The following CTNS variants were observed in gnomAD, a reference collection of about 807,000 sequenced individuals.
CTNS encodes the protein cystinosin.
A neutral mutation model predicts 43.7 loss-of-function variants in CTNS; 27 were observed. The ratio of observed to expected loss-of-function variants is 0.62; its 90% CI spans 0.46 to 0.85. CTNS has a LOEUF of 0.85. CTNS is among the 40% of genes least tolerant of loss of function. The pLI, the probability that CTNS is intolerant of heterozygous loss-of-function variation, is 0.00. For synonymous variants in CTNS, 187 were observed against 190.6 expected, an observed-to-expected ratio of 0.98 and a Z score of 0.16; for missense variants, 457 against 475.4, an observed-to-expected ratio of 0.96 and a Z score of 0.36.
rs1334466190 is a variant in CTNS at position 3,658,054 on chromosome 17, C to T, written c.731C>T (p.Ala244Val). 19 of 1,611,840 alleles carry T rather than the reference C, an allele frequency of 1.2e-5. No individual in the cohort carries two copies. Among genetic ancestry groups the T allele is most frequent in the Admixed American group, 3.3e-5 (2 of 60,014 alleles). The change falls in exon 10 of 12, where the codon GCG becomes GTG. Residue 244 changes from alanine to valine, a missense_variant. Coordinates refer to ENST00000046640, the MANE Select transcript of CTNS (RefSeq NM_004937.3). ...CCTGCCATCGGCTTCCTGGTGCTCG[C>T]GTGGCTCTTCGCATTTGTCACCATG... ...SWPAIGFLVL[A>V]WLFAFVTMIV...
intron 3 of CTNS, among the ~76,000 whole-genome samples, chr17:3,642,438 A>G (rs2075743658): frequency 6.6e-6 from 1 of 152,204 alleles, no homozygotes; most frequent in Non-Finnish European, 1.5e-5. Context: ...CTGTAATCCC[A>G]GCACTTTGGG....
At chr17:3,660,013 G>A in intron 11 of CTNS, 38 bp downstream of exon 11, 6 of 1,564,106 alleles carry the variant, frequency 3.8e-6, no homozygotes, top group Middle Eastern at 2.0e-4. Context: ...CCCTGCGGCT[G>A]GGGCATCGGG....
In CTNS at chr17:3,655,104, A is replaced by T; in HGVS notation, c.329+3A>T. 1 of 1,613,890 alleles carries T rather than the reference A, an allele frequency of 6.2e-7. No individual in the cohort carries two copies. The highest frequency in any genetic ancestry group is 8.5e-7 in the Non-Finnish European group (1 of 1,179,732). On this transcript the variant is annotated splice_donor_region_variant and intron_variant, in intron 6 of 11. Transcript: ENST00000046640. ...GGAAATCACTCCAATCAGACCGGGT[A>T]GGCTGGCCTCAGGGTGTGCGGGCCT...
chr17:3,658,041 T>G lies in CTNS; in HGVS notation c.718T>G (p.Phe240Val). Reference sequence around the variant, plus strand: ...GCGCGTGTCCTGGCCTGCCATCGGCTTCCTGGTGCTCGCGTGGCTCTTCGC... The same window carrying G: ...GCGCGTGTCCTGGCCTGCCATCGGCGTCCTGGTGCTCGCGTGGCTCTTCGC... ...GQRVSWPAIG[F>V]LVLAWLFAFV... is the part of the protein sequence containing the mutation. Residue 240 changes from phenylalanine to valine, a missense_variant, in exon 10 of 12, where the codon TTC becomes GTC. Transcript: ENST00000046640. 1.9e-6 allele frequency: 3 copies of G among 1,611,688 alleles called. No homozygotes were observed. Among genetic ancestry groups the G allele is most frequent in the Non-Finnish European group, 2.5e-6 (3 of 1,179,968 alleles).
rs1178241325 is a variant in CTNS at position 3,641,380 on chromosome 17, A to AT, written c.61+1114dup. 4.6e-3 allele frequency among the ~76,000 whole-genome samples: 175 copies of AT among 38,194 alleles called. 1 individual carries two copies. Among genetic ancestry groups the AT allele is most frequent in the South Asian group, 7.7e-3 (7 of 910 alleles). 25.1% of individuals were successfully genotyped at this position (38,194 alleles called of 152,430 possible). ...GATACATATATATATATATATATATATATATTTTTTTTTTTTTTTTTTTTT... is the reference window on the plus strand; with the variant it reads ...GATACATATATATATATATATATATATTATATTTTTTTTTTTTTTTTTTTTT... On this transcript the variant is annotated intron_variant, in intron 3 of 11. Coordinates refer to ENST00000046640, the MANE Select transcript of CTNS (RefSeq NM_004937.3).
chr17:3,645,280 G>T (rs1240749773), intron 3 of CTNS, among the ~76,000 whole-genome samples: 1 of 152,228 alleles, frequency 6.6e-6, no homozygotes, highest in Admixed American at 6.5e-5. Context: ...CTCTGCAAGG[G>T]CCAGGGGACA....
At chr17:3,658,449 C>G (rs2076208491) in intron 10 of CTNS, among the ~76,000 whole-genome samples, 1 of 152,226 alleles carries the variant, frequency 6.6e-6, no homozygotes, top group South Asian at 2.1e-4. Context: ...TCTCCACACC[C>G]CAGCCTTTCC....
rs2076261875 is a variant in CTNS, at chr17:3,660,638, C to T, written c.*269C>T. On this transcript the variant is annotated 3_prime_UTR_variant, in exon 12 of 12. Coordinates refer to ENST00000046640, the MANE Select transcript of CTNS (RefSeq NM_004937.3). ...TAAGGCTTCAGGCAGCGCGCACAGG[C>T]TCTGGCAGCCGTCTCAGGCAGGACT... The T allele has an allele frequency of 1.9e-6, 3 of 1,613,560 alleles. No homozygotes were observed. Among genetic ancestry groups the T allele is most frequent in the Non-Finnish European group, 2.5e-6 (3 of 1,180,040 alleles).
chr17:3,641,384 A>ATATATATTT (rs1555558526), intron 3 of CTNS, among the ~76,000 whole-genome samples: 2 of 31,204 alleles, frequency 6.4e-5, no homozygotes, highest in African/African-American at 4.6e-4. Flanking sequence ...ATATATATAT[A>ATATATATTT]TTTTTTTTTT....
At chr17:3,647,852 T>A (rs1351551380) in intron 4 of CTNS, among the ~76,000 whole-genome samples, 1 of 152,200 alleles carries the variant, frequency 6.6e-6, no homozygotes, top group Non-Finnish European at 1.5e-5. Flanking sequence ...GACTAAGTAT[T>A]TGAAGAGAGC....
chr17:3,655,685 C>G, intron 7 of CTNS: 1 of 382,782 alleles, frequency 2.6e-6, no homozygotes, highest in Non-Finnish European at 5.0e-6. Flanking sequence ...AGGATTGCGG[C>G]GTCAAGTCCT....
At chr17:3,639,089 A>G (rs2075616145) in intron 2 of CTNS, among the ~76,000 whole-genome samples, 1 of 152,114 alleles carries the variant, frequency 6.6e-6, no homozygotes, top group East Asian at 1.9e-4. Context: ...GGGGAAACTG[A>G]AATCAGAGTG....
At chr17:3,639,941 T>G (rs555698125) in intron 2 of CTNS, among the ~76,000 whole-genome samples, 1 of 152,314 alleles carries the variant, frequency 6.6e-6, no homozygotes, top group East Asian at 1.9e-4. Context: ...TGGTCTTTGT[T>G]CACTTCCTCA....
At position 3,642,062 on chromosome 17, in the gene CTNS, G is replaced by GTGTGT. The variant is rs1338671316; in HGVS notation, c.61+1795_61+1796insTGTGT. On this transcript the variant is annotated intron_variant, in intron 3 of 11. Transcript: ENST00000046640. ...GGGCCTGTGTGTGTGTGTGTACCCG[G>GTGTGT]GCGTGTGTGTGTGTGTGTGTGCCTG... Among the ~76,000 whole-genome samples, 11 of 37,500 alleles carry GTGTGT rather than the reference G, an allele frequency of 2.9e-4. No homozygotes were observed. In the South Asian group the frequency reaches 7.2e-3, roughly 24 times the overall value. 24.6% of individuals were successfully genotyped at this position (37,500 alleles called of 152,430 possible). A position where few individuals can be genotyped will look rare whatever the true frequency, so the allele number is the denominator to read the frequency against.
chr17:3,654,929 G>C (rs1315261600), intron 5 of CTNS, 69 bp from the exon 6 acceptor site: 1 of 1,095,906 alleles, frequency 9.1e-7, no homozygotes. Flanking sequence ...GTGTTGCATA[G>C]AGCTAGATGC....
chr17:3,656,779 A>G lies in CTNS; in HGVS notation c.665A>G (p.Gln222Arg), dbSNP rs1327959008. The change falls in exon 9 of 12, where the codon CAG becomes CGG. Residue 222 changes from glutamine (Q) to arginine (R), a missense_variant. Gln to Arg is a conservative substitution (Grantham distance 43). Transcript: ENST00000046640. Reference sequence around the variant, plus strand: ...GTCCTCACGCTGATCATCATCGTGCAGTGCTGCCTGTATGAGGTGAGACCA... The same window carrying G: ...GTCCTCACGCTGATCATCATCGTGCGGTGCTGCCTGTATGAGGTGAGACCA... ...AVVLTLIIIVQCCLYERGGQR... is the reference protein window; with the variant it reads ...AVVLTLIIIVRCCLYERGGQR... 5 of 1,613,228 alleles carry G rather than the reference A, an allele frequency of 3.1e-6. No homozygotes were observed. The highest frequency in any genetic ancestry group is 4.2e-6 in the Non-Finnish European group (5 of 1,179,954).
At position 3,650,289 on chromosome 17, in the gene CTNS, A is replaced by T. The variant is rs539279646; in HGVS notation, c.225+1358A>T. ...AGGAAGCAAACAGGAGTGAAACACG[A>T]TCAGTCTCCAGCATGTGGGAACCTG... On this transcript the variant is annotated intron_variant, in intron 5 of 11. Coordinates refer to ENST00000046640, the MANE Select transcript of CTNS (RefSeq NM_004937.3). 4 of 1,550,176 alleles carry T rather than the reference A, an allele frequency of 2.6e-6. No homozygotes were observed. In the African/African-American group the frequency reaches 5.5e-5, roughly 21 times the overall value.
At chr17:3,655,187 C>T in intron 6 of CTNS, 34 bp from the exon 7 acceptor site, 1 of 1,614,156 alleles carries the variant, frequency 6.2e-7, no homozygotes. Flanking sequence ...GAAGCCCAGC[C>T]TCAGCTCATC....
intron 2 of CTNS, 127 bp from the exon 3 acceptor site, chr17:3,640,061 C>A: frequency 1.3e-6 from 1 of 782,426 alleles, no homozygotes; most frequent in Non-Finnish European, 2.3e-6. Flanking sequence ...ATGCAAAGCC[C>A]TGAGGTCACA....
Sources: gnomAD v4.1 joint callset for allele counts (sites outside exome capture counted in the v4.1 genomes callset) on GRCh38, gnomAD v4.1.1 for gene constraint, MANE v1.5 for transcripts, NCBI Gene and HGNC (gene_info 2026-07-23, HGNC 2026-07-21) for gene names.